The following DPP10 variants were observed in gnomAD, a reference collection of about 807,000 sequenced individuals.
DPP10 encodes inactive dipeptidyl peptidase 10.
In DPP10, 33 loss-of-function variants were observed where a neutral mutation model predicts 120.9. That is an observed-to-expected ratio of 0.27 (90% CI 0.21 to 0.37). The LOEUF (loss-of-function observed/expected upper bound fraction) is 0.37, where lower values mean the gene tolerates loss of function less well. Among genes scored for constraint, DPP10 ranks in the 10% least tolerant of loss-of-function variants. DPP10 has a pLI of 1.00. For missense variants in DPP10, 816 were observed against 942.8 expected (o/e 0.87, Z 1.76); for synonymous variants, 337 against 326.1 (o/e 1.03, Z -0.36).
intron 1 of DPP10, among the ~76,000 whole-genome samples, chr2:115,135,264 G>T (rs528917049): frequency 1.2e-4 from 18 of 151,096 alleles, no homozygotes; most frequent in Non-Finnish European, 2.4e-4. Flanking sequence ...ATATATATGA[G>T]CAAATAGAAC....
At chr2:115,316,274 C>T (rs1010059571) in intron 2 of DPP10, among the ~76,000 whole-genome samples, 3 of 152,154 alleles carry the variant, frequency 2.0e-5, no homozygotes, top group Non-Finnish European at 4.4e-5. Context: ...CAGAGATGCT[C>T]GATCACTCTC....
rs556879406 is a variant in DPP10 at position 115,352,501 on chromosome 2, T to A, written c.271+8589T>A. 7.9e-5 allele frequency among the ~76,000 whole-genome samples: 12 copies of A among 152,304 alleles called. No homozygotes were observed. The East Asian group carries it at 2.1e-3, about 27-fold the overall frequency. On this transcript the variant is annotated intron_variant, in intron 3 of 25. Coordinates refer to ENST00000410059, the MANE Select transcript of DPP10 (RefSeq NM_020868.6). ...TCTGTTTGTCAATACAAATATAGAA[T>A]AATAGATACATTGACATTGACATCT...
intron 1 of DPP10, among the ~76,000 whole-genome samples, chr2:115,211,605 C>T (rs1407075333): frequency 4.6e-5 from 7 of 151,778 alleles, no homozygotes; most frequent in Admixed American, 1.3e-4. Context: ...CTTAAAATAT[C>T]GGCTCTGGGA....
intron 3 of DPP10, among the ~76,000 whole-genome samples, chr2:115,356,342 T>C (rs897629800): frequency 1.3e-5 from 2 of 152,084 alleles, no homozygotes; most frequent in Non-Finnish European, 2.9e-5. Flanking sequence ...TTATTCATGA[T>C]TTTGCCCTCT....
intron 1 of DPP10, among the ~76,000 whole-genome samples, chr2:115,290,754 A>G (rs1249167089): frequency 6.6e-6 from 1 of 152,170 alleles, no homozygotes; most frequent in Admixed American, 6.5e-5. Context: ...ATCATGGTGC[A>G]TCAATAATCA....
chr2:115,817,335 A>T (rs6719649), intron 21 of DPP10, among the ~76,000 whole-genome samples: 61,584 of 152,070 alleles, frequency 0.4, 12,967 homozygotes, highest in Middle Eastern at 0.53. Context: ...GTGTTCATGG[A>T]TTTAAACATA....
chr2:115,827,286 C>CAT (rs1559209083), intron 21 of DPP10, among the ~76,000 whole-genome samples: 2 of 136,188 alleles, frequency 1.5e-5, no homozygotes, highest in Non-Finnish European at 3.1e-5. Flanking sequence ...TATACACATA[C>CAT]ATATATACAC....
chr2:115,539,844 C>A (rs1402173379), intron 5 of DPP10, among the ~76,000 whole-genome samples: 4 of 151,132 alleles, frequency 2.6e-5, no homozygotes, highest in South Asian at 2.1e-4. Flanking sequence ...ACCAGATATA[C>A]ACACAGAGAA....
chr2:115,372,832 G>C (rs372246361), intron 3 of DPP10, among the ~76,000 whole-genome samples: 1 of 152,148 alleles, frequency 6.6e-6, no homozygotes, highest in Non-Finnish European at 1.5e-5. Flanking sequence ...GGTTTGTACT[G>C]GAATCTTAGC....
At chr2:115,458,651 CAT>C (rs1379996058) in intron 3 of DPP10, among the ~76,000 whole-genome samples, 1 of 151,916 alleles carries the variant, frequency 6.6e-6, no homozygotes. Context: ...TACACACACA[CAT>C]ATATACGTAT....
intron 3 of DPP10, among the ~76,000 whole-genome samples, chr2:115,484,905 CCTT>C (rs1215498169): frequency 6.6e-6 from 1 of 152,034 alleles, no homozygotes; most frequent in Non-Finnish European, 1.5e-5. Flanking sequence ...AGCTGATCAT[CCTT>C]CTTCTAAAAA....
chr2:115,374,612 A>C (rs142505881), intron 3 of DPP10, among the ~76,000 whole-genome samples: 2 of 152,176 alleles, frequency 1.3e-5, no homozygotes, highest in Non-Finnish European at 2.9e-5. Flanking sequence ...GAGGTTTTCC[A>C]TGAGGGCTCC....
chr2:114,547,996 G>T (rs1469390072), intron 1 of DPP10, among the ~76,000 whole-genome samples: 1 of 152,102 alleles, frequency 6.6e-6, no homozygotes, highest in Non-Finnish European at 1.5e-5. Context: ...CAGCCCCACT[G>T]CAGGGACCAC....
At chr2:115,308,243 C>T (rs1380077759) in intron 1 of DPP10, among the ~76,000 whole-genome samples, 1 of 152,190 alleles carries the variant, frequency 6.6e-6, no homozygotes, top group African/African-American at 2.4e-5. Flanking sequence ...GACAACAAAG[C>T]GGCTCTACGG....
At chr2:115,758,632 G>A (rs1679725748) in intron 11 of DPP10, among the ~76,000 whole-genome samples, 1 of 151,916 alleles carries the variant, frequency 6.6e-6, no homozygotes. Flanking sequence ...AAAAATACCT[G>A]AACAAGTCAA....
chr2:114,921,026 ATTCT>A (rs1183807422), intron 1 of DPP10, among the ~76,000 whole-genome samples: 1 of 152,192 alleles, frequency 6.6e-6, no homozygotes, highest in Non-Finnish European at 1.5e-5. Flanking sequence ...GCATTAATGA[ATTCT>A]TTCTTTTAAT....
intron 1 of DPP10, among the ~76,000 whole-genome samples, chr2:115,223,288 AG>A (rs1373084418): frequency 5.3e-5 from 8 of 152,136 alleles, no homozygotes; most frequent in African/African-American, 1.7e-4. Context: ...CTGTGCCACC[AG>A]GTTATTTATT....
At chr2:115,547,947 T>A (rs1430099297) in intron 5 of DPP10, among the ~76,000 whole-genome samples, 1 of 152,144 alleles carries the variant, frequency 6.6e-6, no homozygotes, top group Non-Finnish European at 1.5e-5. Flanking sequence ...AAATGCATTT[T>A]GCTTAATAAC....
intron 1 of DPP10, among the ~76,000 whole-genome samples, chr2:114,839,584 C>G (rs1687997484): frequency 6.6e-6 from 1 of 152,128 alleles, no homozygotes; most frequent in African/African-American, 2.4e-5. Context: ...TTGTGTCTTC[C>G]AAGGAAATTC....
Sources: gnomAD v4.1 joint callset for allele counts (sites outside exome capture counted in the v4.1 genomes callset) on GRCh38, gnomAD v4.1.1 for gene constraint, MANE v1.5 for transcripts, NCBI Gene and HGNC (gene_info 2026-07-23, HGNC 2026-07-21) for gene names.